Variants in ZBTB20 observed in about 807,000 individuals in gnomAD.
ZBTB20 encodes zinc finger and BTB domain-containing protein 20.
In ZBTB20, 9 loss-of-function variants were observed where a neutral mutation model predicts 56.9. The ratio of observed to expected loss-of-function variants is 0.16; its 90% CI spans 0.10 to 0.28. The LOEUF (loss-of-function observed/expected upper bound fraction) is 0.28. Among genes scored for constraint, ZBTB20 ranks in the 10% least tolerant of loss-of-function variants. The pLI, the probability that ZBTB20 is intolerant of heterozygous loss-of-function variation, is 1.00. For synonymous variants in ZBTB20, 417 were observed against 420.7 expected, an observed-to-expected ratio of 0.99 and a Z score of 0.11; for missense variants, 655 against 1,003.0, an observed-to-expected ratio of 0.65 and a Z score of 4.69.
chr3:114,614,761 GTTTGTTTT>G (rs2057804339), intron 6 of ZBTB20, among the ~76,000 whole-genome samples: 1 of 151,958 alleles, frequency 6.6e-6, no homozygotes, highest in Admixed American at 6.6e-5. Flanking sequence ...TTGTTTGTTT[GTTTGTTTT>G]GAGACGGAGT....
At chr3:114,542,889 G>A (rs2049287904) in intron 6 of ZBTB20, among the ~76,000 whole-genome samples, 1 of 152,134 alleles carries the variant, frequency 6.6e-6, no homozygotes, top group African/African-American at 2.4e-5. Context: ...ACCAAAATTT[G>A]TTCCTGGGAG....
intron 1 of ZBTB20, among the ~76,000 whole-genome samples, chr3:115,142,826 T>G (rs1305598351): frequency 2.0e-5 from 3 of 152,148 alleles, no homozygotes; most frequent in African/African-American, 7.2e-5. Flanking sequence ...GTACCCTTCC[T>G]GGAAGAGGCT....
chr3:114,693,011 T>C (rs2062790386), intron 6 of ZBTB20, among the ~76,000 whole-genome samples: 1 of 152,118 alleles, frequency 6.6e-6, no homozygotes. Flanking sequence ...ATGAAGCAAA[T>C]GCATTTCAAA....
intron 7 of ZBTB20, chr3:114,454,465 A>AC (rs778039185): frequency 1.4e-5 from 2 of 140,760 alleles, no homozygotes; most frequent in Non-Finnish European, 3.1e-5. Flanking sequence ...CGCCCCTCTT[A>AC]CCCCCCAACA....
At chr3:114,912,647 T>G (rs571565981) in intron 3 of ZBTB20, among the ~76,000 whole-genome samples, 1 of 152,056 alleles carries the variant, frequency 6.6e-6, no homozygotes. Flanking sequence ...AATATACAAT[T>G]AAATTATTTT....
chr3:114,670,144 T>A (rs2061284267), intron 6 of ZBTB20, among the ~76,000 whole-genome samples: 1 of 152,104 alleles, frequency 6.6e-6, no homozygotes, highest in African/African-American at 2.4e-5. Context: ...AGCATTTGGA[T>A]ACTACCAATG....
intron 4 of ZBTB20, among the ~76,000 whole-genome samples, chr3:114,811,249 T>C (rs1481894496): frequency 2.0e-5 from 3 of 152,228 alleles, no homozygotes; most frequent in African/African-American, 7.2e-5. Flanking sequence ...TCACTCAGGT[T>C]ATACTTCCTT....
chr3:114,752,286 C>T (rs138675101), intron 5 of ZBTB20, among the ~76,000 whole-genome samples: 1 of 152,176 alleles, frequency 6.6e-6, no homozygotes, highest in East Asian at 1.9e-4. Context: ...ATAGCAGGTG[C>T]TATGGTGTTT....
At position 114,350,620 on chromosome 3, in the gene ZBTB20, G is replaced by A. The variant is rs1333409616; in HGVS notation, c.1458C>T (p.Asn486=). The A allele has an allele frequency of 6.2e-7, 1 of 1,614,224 alleles. No homozygotes were observed. The highest frequency in any genetic ancestry group is 1.7e-5 in the Admixed American group (1 of 60,022). The change falls in exon 11 of 12, where the codon AAC becomes AAT. Residue 486 remains asparagine (N), a synonymous_variant. Coordinates refer to ENST00000675478, the MANE Select transcript of ZBTB20 (RefSeq NM_001348800.3). ...YLRQTETLTS[N]LRMPLTLTSN... The stretch of plus-strand genomic sequence containing the variant: ...TGGTCAAGGTCAGAGGCATCCTCAG[G>A]TTGCTGGTGAGGGTTTCTGTCTGGC...
chr3:114,450,799 G>C (rs1262974337), intron 7 of ZBTB20, among the ~76,000 whole-genome samples: 1 of 151,998 alleles, frequency 6.6e-6, no homozygotes, highest in East Asian at 1.9e-4. Context: ...AAAAATTTAG[G>C]AGAAACCCAG....
chr3:114,880,842 G>T (rs1260351629), intron 4 of ZBTB20, among the ~76,000 whole-genome samples: 1 of 152,020 alleles, frequency 6.6e-6, no homozygotes, highest in Non-Finnish European at 1.5e-5. Flanking sequence ...ATCCTATGTT[G>T]TTGCATGCAC....
intron 1 of ZBTB20, among the ~76,000 whole-genome samples, chr3:115,110,727 G>T (rs1446153307): frequency 6.6e-6 from 1 of 152,130 alleles, no homozygotes; most frequent in Admixed American, 6.5e-5. Context: ...GGTGGCTCAC[G>T]CCTGTAATCC....
At chr3:114,898,878 G>A (rs1175710082) in intron 4 of ZBTB20, among the ~76,000 whole-genome samples, 1 of 152,016 alleles carries the variant, frequency 6.6e-6, no homozygotes, top group East Asian at 1.9e-4. Flanking sequence ...CAAGTCATTT[G>A]GATGTTTTCA....
intron 1 of ZBTB20, among the ~76,000 whole-genome samples, chr3:115,072,315 T>C (rs2082438637): frequency 2.0e-5 from 3 of 152,126 alleles, no homozygotes; most frequent in Admixed American, 6.6e-5. Context: ...GTAGATACAA[T>C]GAATAATAAA....
chr3:114,446,964 T>C (rs2091310865), intron 7 of ZBTB20, among the ~76,000 whole-genome samples: 1 of 152,194 alleles, frequency 6.6e-6, no homozygotes, highest in Non-Finnish European at 1.5e-5. Context: ...GAAGATAATT[T>C]ATTACATACA....
chr3:114,783,566 C>T lies in ZBTB20; in HGVS notation c.-343+17535G>A, dbSNP rs142539896. Among the ~76,000 whole-genome samples the T allele has an allele frequency of 4.3e-3, 650 of 152,070 alleles. 5 individuals are homozygous for T. The highest frequency in any genetic ancestry group is 0.014 in the African/African-American group (600 of 41,482). On this transcript the variant is annotated intron_variant, in intron 5 of 11. Transcript: ENST00000675478. ...ATCCCAGCACTTTGGGAGGCTGAGGCGGGTGGATCACGAGGTCACGAGATC... is the reference window on the plus strand; with the variant it reads ...ATCCCAGCACTTTGGGAGGCTGAGGTGGGTGGATCACGAGGTCACGAGATC...
chr3:114,404,323 T>G (rs1020603543), intron 7 of ZBTB20, among the ~76,000 whole-genome samples: 9 of 152,158 alleles, frequency 5.9e-5, no homozygotes, highest in African/African-American at 2.2e-4. Context: ...TTGGGTTATT[T>G]CTATATTTAT....
At chr3:114,371,548 A>C (rs778899611) in intron 10 of ZBTB20, among the ~76,000 whole-genome samples, 84 of 152,354 alleles carry the variant, frequency 5.5e-4, no homozygotes, top group Non-Finnish European at 9.7e-4. Flanking sequence ...CTAGGGCTCC[A>C]GTTTATAAAA....
At chr3:114,428,524 T>C (rs2089884371) in intron 7 of ZBTB20, among the ~76,000 whole-genome samples, 1 of 152,168 alleles carries the variant, frequency 6.6e-6, no homozygotes, top group East Asian at 1.9e-4. Context: ...GTGGGGGGAA[T>C]GACAGAAACC....
Sources: allele counts gnomAD v4.1 joint callset (sites outside exome capture counted in the v4.1 genomes callset), GRCh38; gene constraint gnomAD v4.1.1; transcripts MANE v1.5; gene names NCBI Gene and HGNC (gene_info 2026-07-23, HGNC 2026-07-21).